Variants in CERS4 observed in about 807,000 individuals in gnomAD.
CERS4 encodes the protein ceramide synthase 4.
In CERS4, 65 loss-of-function variants were observed where a neutral mutation model predicts 51.8. The ratio of observed to expected loss-of-function variants is 1.26; its 90% CI spans 1.03 to 1.54. The LOEUF is 1.54. Ranked by LOEUF, CERS4 falls within the 40% of genes most tolerant of loss-of-function variation. The probability of loss-of-function intolerance (pLI) is 0.00; values close to 1 mark genes in which losing one functional copy is unlikely to be tolerated. For synonymous variants in CERS4, 228 were observed against 208.4 expected, an observed-to-expected ratio of 1.09 and a Z score of -0.81; for missense variants, 563 against 500.4, an observed-to-expected ratio of 1.13 and a Z score of -1.19.
At chr19:8,224,183 C>T (rs1448272993) in intron 2 of CERS4, among the ~76,000 whole-genome samples, 13 of 146,704 alleles carry the variant, frequency 8.9e-5, no homozygotes, top group Admixed American at 4.1e-4. Flanking sequence ...CCAAGGCGGG[C>T]GGATCACGAG....
intron 3 of CERS4, among the ~76,000 whole-genome samples, chr19:8,252,755 A>G (rs950291371): frequency 6.6e-6 from 1 of 152,146 alleles, no homozygotes; most frequent in African/African-American, 2.4e-5. Flanking sequence ...TTGTATTTTT[A>G]GTAGAGACAA....
intron 2 of CERS4, among the ~76,000 whole-genome samples, chr19:8,218,266 A>T (rs1967388079): frequency 6.6e-6 from 1 of 151,968 alleles, no homozygotes; most frequent in African/African-American, 2.4e-5. Context: ...TGCATGACCA[A>T]GGAGAGGCTC....
At chr19:8,211,157 G>C (rs1195325235) in intron 2 of CERS4, among the ~76,000 whole-genome samples, 1 of 152,136 alleles carries the variant, frequency 6.6e-6, no homozygotes, top group African/African-American at 2.4e-5. Context: ...TCCTGACCCA[G>C]GGCTGTCTGC....
At position 8,245,217 on chromosome 19, in the gene CERS4, AT is replaced by A. The variant is rs201077873; in HGVS notation, c.-1-5853del. On this transcript the variant is annotated intron_variant, in intron 2 of 11. Transcript: ENST00000251363. The stretch of plus-strand genomic sequence containing the variant: ...GGCATGAGCCACTGCACCTGGGTCT[AT>A]TTTTTATTTTATTTATATATTTTTA... Among the ~76,000 whole-genome samples the A allele has an allele frequency of 4.7e-5, 7 of 147,994 alleles. No homozygotes were observed. In the South Asian group the frequency reaches 8.5e-4, roughly 18 times the overall value.
chr19:8,259,191 T>A (rs1218376064), intron 10 of CERS4, among the ~76,000 whole-genome samples: 4 of 152,008 alleles, frequency 2.6e-5, no homozygotes, highest in African/African-American at 9.7e-5. Flanking sequence ...GTAGTTGGAA[T>A]TAGAATGGCA....
intron 2 of CERS4, among the ~76,000 whole-genome samples, chr19:8,220,782 A>G (rs1967499578): frequency 6.6e-6 from 1 of 151,020 alleles, no homozygotes. Context: ...CCATGGCATC[A>G]AGGCTGAGGG....
At chr19:8,223,162 T>C (rs1967633180) in intron 2 of CERS4, among the ~76,000 whole-genome samples, 1 of 150,774 alleles carries the variant, frequency 6.6e-6, no homozygotes, top group African/African-American at 2.4e-5. Context: ...AGGGAAACCC[T>C]GTCTCTGCCA....
At chr19:8,234,542 ATTTTTTTT>A (rs35971828) in intron 2 of CERS4, among the ~76,000 whole-genome samples, 13 of 54,180 alleles carry the variant, frequency 2.4e-4, no homozygotes, top group South Asian at 7.9e-4. Flanking sequence ...CCACCATTCT[ATTTTTTTT>A]TTTTTTTTTT....
chr19:8,230,210 A>C (rs1318376770), intron 2 of CERS4, among the ~76,000 whole-genome samples: 1 of 144,388 alleles, frequency 6.9e-6, no homozygotes, highest in African/African-American at 2.6e-5. Flanking sequence ...CTTTTTTTTG[A>C]GACGGAGTCT....
chr19:8,250,836 T>C lies in CERS4; in HGVS notation c.-1-240T>C, dbSNP rs545174824. ...AGGACACACAGCCCAACTCTGCCTTTTAACACTGACCAGGCAATGGAGTGG... is the reference window on the plus strand; with the variant it reads ...AGGACACACAGCCCAACTCTGCCTTCTAACACTGACCAGGCAATGGAGTGG... On this transcript the variant is annotated intron_variant, in intron 2 of 11. Transcript: ENST00000251363. The C allele has an allele frequency of 1.2e-5, 15 of 1,297,314 alleles. No individual in the cohort carries two copies. The East Asian group carries it at 4.3e-4, about 37-fold the overall frequency. The allele number at this position is 1,297,314 out of a possible 1,614,324, so 80.4% of individuals were successfully genotyped here.
At chr19:8,245,126 A>ACAAAAAAAAC (rs1555777241) in intron 2 of CERS4, among the ~76,000 whole-genome samples, 3 of 148,230 alleles carry the variant, frequency 2.0e-5, no homozygotes, top group African/African-American at 7.6e-5. Context: ...AAAAAAAAAA[A>ACAAAAAAAAC]AAAAAAAAAC....
intron 9 of CERS4, chr19:8,257,289 T>C: frequency 1.8e-6 from 1 of 562,140 alleles, no homozygotes; most frequent in Non-Finnish European, 3.0e-6. Context: ...CCCACCCTTC[T>C]TGGCTTCCTT....
Position 8,256,979 on chromosome 19 carries a change from G to T in CERS4, c.643G>T (p.Val215Leu), listed in dbSNP as rs769711560. 1 of 1,614,138 alleles carries T rather than the reference G, an allele frequency of 6.2e-7. No homozygotes were observed. The highest frequency in any genetic ancestry group is 8.5e-7 in the Non-Finnish European group (1 of 1,180,012). Residue 215 changes from valine (V) to leucine (L), a missense_variant, in exon 9 of 12, where the codon GTG becomes TTG. Physicochemically the swap from Val to Leu is conservative, Grantham distance 32 (BLOSUM62 1). Coordinates refer to ENST00000251363, the MANE Select transcript of CERS4 (RefSeq NM_024552.3). ...CAAGGAGCAGGTGATACACCACTTCGTGGCGGTCATCCTGATGACCTTCTC... is the reference window on the plus strand; with the variant it reads ...CAAGGAGCAGGTGATACACCACTTCTTGGCGGTCATCCTGATGACCTTCTC... Reference protein sequence around the residue: ...DFKEQVIHHFVAVILMTFSYS... With the variant: ...DFKEQVIHHFLAVILMTFSYS...
chr19:8,238,052 C>T (rs1324486407), intron 2 of CERS4, among the ~76,000 whole-genome samples: 1 of 152,034 alleles, frequency 6.6e-6, no homozygotes, highest in Non-Finnish European at 1.5e-5. Flanking sequence ...CCCCACAATC[C>T]CTGCTCCACT....
chr19:8,213,168 G>C (rs562741963), intron 2 of CERS4, among the ~76,000 whole-genome samples: 1 of 151,280 alleles, frequency 6.6e-6, no homozygotes, highest in South Asian at 2.1e-4. Context: ...ACAGGCATAA[G>C]CCACCACACC....
intron 4 of CERS4, 58 bp from the exon 5 acceptor site, chr19:8,255,549 C>A: frequency 1.4e-6 from 2 of 1,468,932 alleles, no homozygotes; most frequent in Non-Finnish European, 1.9e-6. Context: ...TGTCTGGGGA[C>A]ATGGGGGAAG....
chr19:8,254,699 C>T (rs1045860274), intron 4 of CERS4, 83 bp downstream of exon 4: 2 of 1,260,358 alleles, frequency 1.6e-6, no homozygotes, highest in Non-Finnish European at 1.1e-6. Context: ...TTTGTTGGGG[C>T]AGGAGAAGCC....
chr19:8,229,486 C>T (rs901536304), intron 2 of CERS4, among the ~76,000 whole-genome samples: 5 of 152,158 alleles, frequency 3.3e-5, no homozygotes, highest in African/African-American at 9.7e-5. Flanking sequence ...CAGCTCACTG[C>T]AACCTCCGTC....
rs758855225 is a variant in CERS4 at position 8,245,814 on chromosome 19, A to AAAT, written c.-1-5262_-1-5261insAAT. Among the ~76,000 whole-genome samples the AAAT allele has an allele frequency of 1.4e-3, 202 of 149,474 alleles. 1 individual carries two copies. Among genetic ancestry groups the AAAT allele is most frequent in the Non-Finnish European group, 2.3e-3 (153 of 67,642 alleles). ...CTTGGCCTCCCAAAGTGCTGGGATT[A>AAAT]CAGGCTTGAGCCACCATGCCCGGCC... On this transcript the variant is annotated intron_variant, in intron 2 of 11. Coordinates refer to ENST00000251363, the MANE Select transcript of CERS4 (RefSeq NM_024552.3).
Sources: gnomAD v4.1 joint callset for allele counts (sites outside exome capture counted in the v4.1 genomes callset) on GRCh38, gnomAD v4.1.1 for gene constraint, MANE v1.5 for transcripts, NCBI Gene and HGNC (gene_info 2026-07-23, HGNC 2026-07-21) for gene names.